Variants in KCNQ3 observed in about 807,000 individuals in gnomAD.
The protein encoded by KCNQ3 is potassium voltage-gated channel subfamily KQT member 3.
A neutral mutation model predicts 92.5 loss-of-function variants in KCNQ3; 30 were observed. The observed-to-expected ratio is 0.32, with a 90% confidence interval of 0.24 to 0.44. KCNQ3 has a LOEUF of 0.44. Among genes scored for constraint, KCNQ3 ranks in the 20% least tolerant of loss-of-function variants. The pLI is 1.00. For synonymous variants in KCNQ3, 450 were observed against 468.8 expected (o/e 0.96, Z 0.52); for missense variants, 913 against 1,140.3 (o/e 0.80, Z 2.87).
At chr8:132,249,754 AG>A (rs1320513711) in intron 1 of KCNQ3, among the ~76,000 whole-genome samples, 4 of 152,106 alleles carry the variant, frequency 2.6e-5, no homozygotes, top group Non-Finnish European at 4.4e-5. Flanking sequence ...GCCCACGGCT[AG>A]GGGGAGGCTC....
At chr8:132,257,968 T>C (rs1443584357) in intron 1 of KCNQ3, among the ~76,000 whole-genome samples, 2 of 152,078 alleles carry the variant, frequency 1.3e-5, no homozygotes, top group African/African-American at 4.8e-5. Context: ...GGCATAACAA[T>C]TATAAACATG....
In KCNQ3 at chr8:132,121,750, A is replaced by C. The variant is rs886062660; in HGVS notation, c.*7512T>G. The C allele has an allele frequency of 1.3e-5, 2 of 152,218 alleles. No individual in the cohort carries two copies. The highest frequency in any genetic ancestry group is 3.8e-4 in the East Asian group (2 of 5,196). 9.4% of individuals were successfully genotyped at this position (152,218 alleles called of 1,614,324 possible). A position where few individuals can be genotyped will look rare whatever the true frequency, so the allele number is the denominator to read the frequency against. Reference sequence around the variant, plus strand: ...CTAGAGACAAAAGACCAGAGTCAGCAGAGACGTGGAGATATTTGAACTTGT... The same window carrying C: ...CTAGAGACAAAAGACCAGAGTCAGCCGAGACGTGGAGATATTTGAACTTGT... On this transcript the variant is annotated 3_prime_UTR_variant, in exon 15 of 15. Coordinates refer to ENST00000388996, the MANE Select transcript of KCNQ3 (RefSeq NM_004519.4).
intron 1 of KCNQ3, among the ~76,000 whole-genome samples, chr8:132,473,356 T>G (rs143263305): frequency 6.6e-6 from 1 of 152,170 alleles, no homozygotes; most frequent in Non-Finnish European, 1.5e-5. Context: ...TTTATAGGCA[T>G]GGCTAAGATA....
chr8:132,325,623 C>T (rs770712262), intron 1 of KCNQ3, among the ~76,000 whole-genome samples: 4 of 152,224 alleles, frequency 2.6e-5, no homozygotes, highest in Non-Finnish European at 5.9e-5. Context: ...AGGGAGAAGA[C>T]AGCCATCTAC....
At chr8:132,316,342 A>T (rs1321791591) in intron 1 of KCNQ3, among the ~76,000 whole-genome samples, 2 of 152,192 alleles carry the variant, frequency 1.3e-5, no homozygotes, top group African/African-American at 4.8e-5. Flanking sequence ...ACCACCTCAC[A>T]GAGTGAGGTG....
intron 1 of KCNQ3, among the ~76,000 whole-genome samples, chr8:132,352,811 A>T (rs1383272375): frequency 6.6e-6 from 1 of 152,112 alleles, no homozygotes; most frequent in African/African-American, 2.4e-5. Context: ...TCCTATAGTT[A>T]GGGTTATTTT....
intron 1 of KCNQ3, among the ~76,000 whole-genome samples, chr8:132,391,383 C>T (rs1337432664): frequency 6.6e-6 from 1 of 152,082 alleles, no homozygotes; most frequent in East Asian, 1.9e-4. Flanking sequence ...ACAGCTGTCT[C>T]GCTTCTTCAA....
intron 4 of KCNQ3, among the ~76,000 whole-genome samples, chr8:132,177,201 T>G (rs1050610759): frequency 6.6e-6 from 1 of 152,230 alleles, no homozygotes; most frequent in Admixed American, 6.5e-5. Flanking sequence ...AACTGACTGT[T>G]CTGGATTAAT....
chr8:132,198,848 A>G (rs913678838), intron 1 of KCNQ3, among the ~76,000 whole-genome samples: 2 of 152,174 alleles, frequency 1.3e-5, no homozygotes, highest in Non-Finnish European at 2.9e-5. Flanking sequence ...GAATTAAGGT[A>G]TCTCTGTTAT....
chr8:132,167,799 A>C (rs983239771), intron 8 of KCNQ3, among the ~76,000 whole-genome samples: 2 of 152,220 alleles, frequency 1.3e-5, no homozygotes, highest in South Asian at 4.1e-4. Context: ...TAATACATCA[A>C]CCCAAAAGAA....
chr8:132,448,594 G>A (rs1821748717), intron 1 of KCNQ3, among the ~76,000 whole-genome samples: 1 of 151,602 alleles, frequency 6.6e-6, no homozygotes, highest in African/African-American at 2.4e-5. Flanking sequence ...AGTGAATTCT[G>A]CGTTTTGATT....
At chr8:132,184,511 T>C in intron 2 of KCNQ3, 144 bp from the exon 3 acceptor site, 1 of 560,980 alleles carries the variant, frequency 1.8e-6, no homozygotes, top group South Asian at 1.5e-5. Context: ...GGGATGGGGG[T>C]GGGGAAGGGG....
chr8:132,130,078 T>G lies in KCNQ3; in HGVS notation c.1885-82A>C, dbSNP rs1394139348. ...TATTGGTTGGGAGGAAATATTCTTT[T>G]TTTTTGTTTTTTTTTTTTTTTTGAG... is the stretch of plus-strand genomic sequence containing the variant. On this transcript the variant is annotated intron_variant, in intron 14 of 14. Coordinates refer to ENST00000388996, the MANE Select transcript of KCNQ3 (RefSeq NM_004519.4). 3.7e-6 allele frequency: 5 copies of G among 1,365,494 alleles called. No individual in the cohort carries two copies. The African/African-American group carries it at 5.5e-5, about 15-fold the overall frequency. 84.6% of individuals were successfully genotyped at this position (1,365,494 alleles called of 1,614,324 possible).
At chr8:132,140,987 G>T (rs965278907) in intron 10 of KCNQ3, 142 bp downstream of exon 10, 2 of 754,782 alleles carry the variant, frequency 2.6e-6, no homozygotes, top group Admixed American at 2.0e-5. Flanking sequence ...AGGGAAGCAA[G>T]AAGTTGGCTT....
chr8:132,236,458 G>A (rs528887879), intron 1 of KCNQ3, among the ~76,000 whole-genome samples: 1 of 152,186 alleles, frequency 6.6e-6, no homozygotes, highest in African/African-American at 2.4e-5. Flanking sequence ...AAAAGACAGA[G>A]GCCTAATTGA....
At position 132,402,033 on chromosome 8, in the gene KCNQ3, C is replaced by T. The variant is rs550105950; in HGVS notation, c.386+78114G>A. On this transcript the variant is annotated intron_variant, in intron 1 of 14. Coordinates refer to ENST00000388996, the MANE Select transcript of KCNQ3 (RefSeq NM_004519.4). ...AGGCTGTGCCTGGGTTTTCTCCTTG[C>T]AGACCTGGGGGCAAGGGTGTGCATG... is the stretch of plus-strand genomic sequence containing the variant. Among the ~76,000 whole-genome samples the T allele has an allele frequency of 3.3e-5, 5 of 152,322 alleles. No homozygotes were observed. The South Asian group carries it at 1.0e-3, about 32-fold the overall frequency.
At chr8:132,449,965 G>T (rs1489966820) in intron 1 of KCNQ3, among the ~76,000 whole-genome samples, 2 of 152,224 alleles carry the variant, frequency 1.3e-5, no homozygotes, top group Non-Finnish European at 2.9e-5. Context: ...TCCAGAGTTG[G>T]TGCCTTCCAC....
At chr8:132,278,069 C>G (rs1586889321) in intron 1 of KCNQ3, 1 of 985,266 alleles carries the variant, frequency 1.0e-6, no homozygotes, top group Non-Finnish European at 1.2e-6. Flanking sequence ...ACAATTACAC[C>G]AAAATCTGTC....
chr8:132,287,273 T>A (rs1816704938), intron 1 of KCNQ3, among the ~76,000 whole-genome samples: 1 of 152,210 alleles, frequency 6.6e-6, no homozygotes, highest in Non-Finnish European at 1.5e-5. Context: ...AGGGGCAGTG[T>A]AATTTAAATG....
Sources: allele counts gnomAD v4.1 joint callset (sites outside exome capture counted in the v4.1 genomes callset), GRCh38; gene constraint gnomAD v4.1.1; transcripts MANE v1.5; gene names NCBI Gene and HGNC (gene_info 2026-07-23, HGNC 2026-07-21).